Variants in CHRNA5 observed in about 807,000 individuals in gnomAD.
CHRNA5 encodes the protein neuronal acetylcholine receptor subunit alpha-5.
Under a neutral mutation model 41.2 loss-of-function variants are expected in CHRNA5, and 28 were observed. The ratio of observed to expected loss-of-function variants is 0.68; its 90% confidence interval spans 0.50 to 0.93. The LOEUF (loss-of-function observed/expected upper bound fraction) is 0.93, where lower values mean the gene tolerates loss of function less well. CHRNA5 is among the 40% of genes least tolerant of loss of function. The pLI is 0.00. For missense variants in CHRNA5, 481 were observed against 581.9 expected (o/e 0.83, Z 1.78); for synonymous variants, 188 against 205.8 (o/e 0.91, Z 0.74).
Position 78,588,536 on chromosome 15 carries a change from G to T in CHRNA5, c.413+113G>T, listed in dbSNP as rs995002486. 1.4e-5 allele frequency: 7 copies of T among 514,492 alleles called. No individual in the cohort carries two copies. In the African/African-American group the frequency reaches 1.4e-4, roughly 10 times the overall value. The allele number at this position is 514,492 out of a possible 1,614,324, so 31.9% of individuals were successfully genotyped here. On this transcript the variant is annotated intron_variant, in intron 4 of 5. Coordinates refer to ENST00000299565, the Ensembl canonical transcript of CHRNA5. This position sits in a 1 kb window ranked among gnomAD's most constrained non-coding sequence, Gnocchi z 4.1. ...AATTGTTTAGGTATAAAAATCAAAT[G>T]ACATGACCGCATGTGCCTGGGTATG...
intron 1 of CHRNA5, among the ~76,000 whole-genome samples, chr15:78,571,750 C>T (rs1413115645): frequency 6.6e-6 from 1 of 151,900 alleles, no homozygotes; most frequent in Non-Finnish European, 1.5e-5. Context: ...GTAACTTTAT[C>T]CTATAATTCT....
At chr15:78,584,502 T>A (rs114244619) in intron 2 of CHRNA5, among the ~76,000 whole-genome samples, 2,402 of 152,350 alleles carry the variant, frequency 0.016, 53 homozygotes, top group African/African-American at 0.054. Context: ...TTGGGAGGTA[T>A]TTGAGGTCAC....
chr15:78,590,257 T>C, exon 5 of CHRNA5: 1 of 1,614,062 alleles, frequency 6.2e-7, no homozygotes, highest in Non-Finnish European at 8.5e-7. Context: ...ACTTCAGTAC[T>C]TGTGTCTTTG....
At chr15:78,592,974 T>C in intron 5 of CHRNA5, 118 bp from the exon 6 acceptor site, 2 of 1,239,032 alleles carry the variant, frequency 1.6e-6, no homozygotes, top group South Asian at 1.5e-5. Flanking sequence ...ACTTACCGTT[T>C]AGAGGCAGCA....
At position 78,569,801 on chromosome 15, in the gene CHRNA5, A is replaced by G. The variant is rs190251836; in HGVS notation, c.106+3976A>G. 3.2e-3 allele frequency among the ~76,000 whole-genome samples: 486 copies of G among 151,322 alleles called. 4 individuals carry two copies. The highest frequency in any genetic ancestry group is 0.011 in the African/African-American group (444 of 41,240). On this transcript the variant is annotated intron_variant, in intron 1 of 5. Transcript: ENST00000299565. ...ATCTGTTCCACAGAACAGCATGGGT[A>G]TAGTGTTTTTTTTGTTTTTGTTTTT...
Position 78,580,855 on chromosome 15 carries a change from CT to C in CHRNA5, c.153del (p.Lys52ArgfsTer17), listed in dbSNP as rs754506075. 5 of 1,613,178 alleles carry C rather than the reference CT, an allele frequency of 3.1e-6. No individual in the cohort carries two copies. The highest frequency in any genetic ancestry group is 4.2e-6 in the Non-Finnish European group (5 of 1,179,290). On this transcript the variant is annotated frameshift_variant, in exon 2 of 6. Coordinates refer to ENST00000299565, the Ensembl canonical transcript of CHRNA5. LOFTEE classifies it high-confidence loss of function. ...TATTGCAAAACATGAAGATAGTTTG[CT>C]TAAGGATTTATTTCAAGACTACGAA...
chr15:78,588,885 T>C lies in CHRNA5; in HGVS notation c.413+462T>C, dbSNP rs1490415672. On this transcript the variant is annotated intron_variant, in intron 4 of 5. Transcript: ENST00000299565. The surrounding 1 kb of genome is among the most constrained non-coding windows in gnomAD (Gnocchi z 4.1). ...ATCCTACCTAGGTGTGTTTTGAGGA[T>C]TTTTTTTTTTTTAACTTAGGGGAGA... Among the ~76,000 whole-genome samples, 1 of 15,814 alleles carries C rather than the reference T, an allele frequency of 6.3e-5. No individual in the cohort carries two copies. Among genetic ancestry groups the C allele is most frequent in the South Asian group, 2.1e-3 (1 of 484 alleles). 10.4% of individuals were successfully genotyped at this position (15,814 alleles called of 152,430 possible).
chr15:78,568,950 C>T (rs2052774317), intron 1 of CHRNA5, among the ~76,000 whole-genome samples: 1 of 151,046 alleles, frequency 6.6e-6, no homozygotes, highest in Non-Finnish European at 1.5e-5. Flanking sequence ...AGATTTTTTT[C>T]TTCTCATCTT....
rs180971041 is a variant in CHRNA5, at chr15:78,583,655, A to G, written c.258+2693A>G. On this transcript the variant is annotated intron_variant, in intron 2 of 5. Coordinates refer to ENST00000299565, the Ensembl canonical transcript of CHRNA5. ...GCTTGCAGTGAGCCGAGATTGCGCC[A>G]CTGCACTCCAGCCTGGGCGACAGAG... is the stretch of plus-strand genomic sequence containing the variant. 2.6e-3 allele frequency among the ~76,000 whole-genome samples: 391 copies of G among 151,664 alleles called. 2 individuals carry two copies. Among genetic ancestry groups the G allele is most frequent in the African/African-American group, 9.2e-3 (381 of 41,332 alleles).
At chr15:78,574,380 CAAAAAAA>C (rs61655864) in intron 1 of CHRNA5, among the ~76,000 whole-genome samples, 1 of 123,282 alleles carries the variant, frequency 8.1e-6, no homozygotes, top group Non-Finnish European at 1.7e-5. Flanking sequence ...AACGCTGTCT[CAAAAAAA>C]AAAAAAAAAA....
intron 1 of CHRNA5, among the ~76,000 whole-genome samples, chr15:78,569,105 TACTA>T (rs2141395089): frequency 6.6e-6 from 1 of 152,352 alleles, no homozygotes; most frequent in African/African-American, 2.4e-5. Flanking sequence ...TTCCAAGAAA[TACTA>T]AATATGTGAA....
chr15:78,590,387 C>T (rs554878059), exon 5 of CHRNA5: 3 of 1,614,170 alleles, frequency 1.9e-6, no homozygotes, highest in Non-Finnish European at 2.5e-6. Flanking sequence ...TGGTAACCGT[C>T]TTCGCTATCA....
intron 2 of CHRNA5, 87 bp downstream of exon 2, chr15:78,581,049 G>T: frequency 3.7e-6 from 5 of 1,356,562 alleles, no homozygotes; most frequent in Non-Finnish European, 4.0e-6. Context: ...AGGCACCAAG[G>T]ATTACAAAGG....
At position 78,589,796 on chromosome 15, in the gene CHRNA5, G is replaced by A; in HGVS notation, c.414-9G>A. On this transcript the variant is annotated splice_polypyrimidine_tract_variant and intron_variant, in intron 4 of 5. Transcript: ENST00000299565. The stretch of plus-strand genomic sequence containing the variant: ...TTCTGCATTGTTATTTTATATGTGT[G>A]TATTTTAGTGCAGATGGACGTTTTG... 1.9e-6 allele frequency: 3 copies of A among 1,546,424 alleles called. No individual in the cohort carries two copies. The highest frequency in any genetic ancestry group is 2.6e-6 in the Non-Finnish European group (3 of 1,146,230).
In CHRNA5 at chr15:78,570,424, A is replaced by ATTTTTTTTTTTTTTTT. The variant is rs71148540; in HGVS notation, c.106+4609_106+4624dup. Among the ~76,000 whole-genome samples the ATTTTTTTTTTTTTTTT allele has an allele frequency of 3.6e-4, 23 of 64,172 alleles. 4 individuals are homozygous for ATTTTTTTTTTTTTTTT. The highest frequency in any genetic ancestry group is 2.4e-3 in the East Asian group (3 of 1,252). The allele number at this position is 64,172 out of a possible 152,430, so 42.1% of individuals were successfully genotyped here. On this transcript the variant is annotated intron_variant, in intron 1 of 5. Transcript: ENST00000299565. Reference sequence around the variant, plus strand: ...CAGGCATGTGCCACCAATCCCGGCTATTTTTTTTTTTTTTTTTTTTTTTTT... The same window carrying ATTTTTTTTTTTTTTTT: ...CAGGCATGTGCCACCAATCCCGGCTATTTTTTTTTTTTTTTTTTTTTTTTTTTTTTTTTTTTTTTTT...
exon 1 of CHRNA5, chr15:78,565,786 C>T (rs1471930543): frequency 7.4e-6 from 9 of 1,221,784 alleles, no homozygotes; most frequent in Non-Finnish European, 2.0e-6. Context: ...GGTCGCGGGG[C>T]GCTGCGGTCT....
chr15:78,566,360 C>G (rs1387144730), intron 1 of CHRNA5, among the ~76,000 whole-genome samples: 2 of 152,148 alleles, frequency 1.3e-5, no homozygotes, highest in Non-Finnish European at 2.9e-5. Flanking sequence ...TCCCTGGCTT[C>G]GGGGCTAATC....
At chr15:78,593,951 A>C (rs1354007137) in exon 6 of CHRNA5, 2 of 152,358 alleles carry the variant, frequency 1.3e-5, no homozygotes, top group Admixed American at 1.3e-4. Context: ...CGGCAGGAGA[A>C]TCGCTTGAAC....
At chr15:78,574,539 A>G (rs1183444567) in intron 1 of CHRNA5, among the ~76,000 whole-genome samples, 1 of 152,190 alleles carries the variant, frequency 6.6e-6, no homozygotes, top group East Asian at 1.9e-4. Context: ...GAAGCAGCTA[A>G]GCAGAGGTTC....
Sources: allele counts gnomAD v4.1 joint callset (sites outside exome capture counted in the v4.1 genomes callset), GRCh38; gene constraint gnomAD v4.1.1; non-coding constraint Gnocchi (gnomAD v3.1); transcripts MANE v1.5; gene names NCBI Gene and HGNC (gene_info 2026-07-23, HGNC 2026-07-21).